Variants in RYR2 observed in about 807,000 individuals in gnomAD.
RYR2 encodes the protein ryanodine receptor 2.
RYR2 carries 227 observed loss-of-function variants against 601.1 expected under a neutral mutation model. That is an observed-to-expected ratio of 0.38 (90% confidence interval 0.34 to 0.42). RYR2 has a LOEUF of 0.42. RYR2 is among the 10% of genes least tolerant of loss of function. RYR2 has a pLI of 1.00. For synonymous variants in RYR2, 2,223 were observed against 2,175.1 expected (o/e 1.02, Z -0.61); for missense variants, 4,646 against 6,156.5 (o/e 0.75, Z 8.21).
intron 17 of RYR2, among the ~76,000 whole-genome samples, chr1:237,487,261 TCAAAG>T (rs1662780588): frequency 6.6e-6 from 1 of 152,168 alleles, no homozygotes; most frequent in African/African-American, 2.4e-5. Flanking sequence ...ATCCAAGTGT[TCAAAG>T]CATATATCAG....
At chr1:237,792,381 G>GCGCA in intron 94 of RYR2, 58 bp downstream of exon 94, 1 of 913,338 alleles carries the variant, frequency 1.1e-6, no homozygotes, top group East Asian at 2.9e-5. Flanking sequence ...GTGTGTGTGT[G>GCGCA]CGTGTGTGTG....
intron 11 of RYR2, among the ~76,000 whole-genome samples, chr1:237,421,043 A>C (rs985954761): frequency 6.6e-6 from 1 of 152,216 alleles, no homozygotes; most frequent in East Asian, 1.9e-4. Context: ...GATCGAGACC[A>C]TCCTGGCTAA....
At chr1:237,352,867 A>T (rs765206187) in intron 3 of RYR2, 6 of 515,652 alleles carry the variant, frequency 1.2e-5, no homozygotes, top group South Asian at 8.5e-5. Context: ...TAGGTATACA[A>T]GGGTGGGTGA....
intron 12 of RYR2, among the ~76,000 whole-genome samples, chr1:237,430,097 G>A (rs1043446579): frequency 1.3e-5 from 2 of 149,504 alleles, no homozygotes; most frequent in Admixed American, 6.7e-5. Context: ...AATATATATT[G>A]TTAGGTATAT....
chr1:237,136,731 G>A (rs1043574727), intron 1 of RYR2, among the ~76,000 whole-genome samples: 6 of 152,128 alleles, frequency 3.9e-5, no homozygotes, highest in South Asian at 2.1e-4. Context: ...AAGATGCTGA[G>A]CAGGCTGGGT....
chr1:237,377,753 T>C (rs994167787), intron 8 of RYR2, among the ~76,000 whole-genome samples: 1 of 152,218 alleles, frequency 6.6e-6, no homozygotes, highest in Non-Finnish European at 1.5e-5. Flanking sequence ...AAAAATTCTA[T>C]GGTCTTTATT....
chr1:237,079,668 A>G (rs1248345072), intron 1 of RYR2, among the ~76,000 whole-genome samples: 1 of 120,894 alleles, frequency 8.3e-6, no homozygotes, highest in Non-Finnish European at 1.6e-5. Flanking sequence ...GCTCATGGGT[A>G]GGAAGAATCA....
intron 71 of RYR2, among the ~76,000 whole-genome samples, chr1:237,712,247 A>G (rs935426638): frequency 6.6e-6 from 1 of 152,038 alleles, no homozygotes; most frequent in African/African-American, 2.4e-5. Flanking sequence ...GCTAATTTGA[A>G]TACTTTTCAG....
chr1:237,442,498 A>G (rs949464456), intron 13 of RYR2, among the ~76,000 whole-genome samples: 1 of 152,184 alleles, frequency 6.6e-6, no homozygotes, highest in Non-Finnish European at 1.5e-5. Context: ...GTACAGTTAC[A>G]TAGCATTAAG....
chr1:237,698,820 A>G (rs1328090554), intron 63 of RYR2, 145 bp from the exon 64 acceptor site: 3 of 513,996 alleles, frequency 5.8e-6, no homozygotes, highest in Non-Finnish European at 1.0e-5. Context: ...GAAAAACTGC[A>G]TGATTTCAAA....
intron 1 of RYR2, among the ~76,000 whole-genome samples, chr1:237,126,833 G>C (rs546338502): frequency 6.6e-6 from 1 of 151,784 alleles, no homozygotes; most frequent in South Asian, 2.1e-4. Context: ...TTCTCACAGA[G>C]GGGGATTTGG....
At chr1:237,366,356 T>C (rs529472641) in intron 5 of RYR2, among the ~76,000 whole-genome samples, 6 of 152,332 alleles carry the variant, frequency 3.9e-5, no homozygotes, top group African/African-American at 4.8e-5. Context: ...GCCAGGATTC[T>C]CATGGATTGT....
At chr1:237,416,798 G>C (rs1047171397) in intron 10 of RYR2, among the ~76,000 whole-genome samples, 1 of 151,264 alleles carries the variant, frequency 6.6e-6, no homozygotes, top group South Asian at 2.1e-4. Flanking sequence ...AATGAGATTA[G>C]AGGGAGAAAA....
intron 40 of RYR2, among the ~76,000 whole-genome samples, chr1:237,627,512 C>T (rs1005949593): frequency 3.9e-5 from 6 of 152,118 alleles, no homozygotes; most frequent in African/African-American, 1.4e-4. Flanking sequence ...CCTTCAATTA[C>T]ATATGAATTG....
At chr1:237,438,511 G>A (rs929916903) in intron 12 of RYR2, among the ~76,000 whole-genome samples, 2 of 152,144 alleles carry the variant, frequency 1.3e-5, no homozygotes, top group Admixed American at 1.3e-4. Context: ...TTTACATGAG[G>A]AGTTGCTTAT....
intron 23 of RYR2, among the ~76,000 whole-genome samples, chr1:237,510,678 G>GT (rs1665799150): frequency 6.6e-6 from 1 of 152,146 alleles, no homozygotes; most frequent in Non-Finnish European, 1.5e-5. Context: ...TTAGGATCTG[G>GT]TAATGATGCT....
intron 3 of RYR2, among the ~76,000 whole-genome samples, chr1:237,350,030 C>T (rs1318534365): frequency 6.6e-6 from 1 of 151,774 alleles, no homozygotes; most frequent in Non-Finnish European, 1.5e-5. Flanking sequence ...CAATATAATA[C>T]AAATAATATG....
At chr1:237,705,084 T>A (rs1259909306) in intron 66 of RYR2, 129 bp from the exon 67 acceptor site, 1 of 745,064 alleles carries the variant, frequency 1.3e-6, no homozygotes, top group Non-Finnish European at 2.2e-6. Context: ...ATACAGAAAT[T>A]GGATTTGGGA....
chr1:237,706,825 G>A, intron 67 of RYR2, 124 bp from the exon 68 acceptor site: 1 of 750,964 alleles, frequency 1.3e-6, no homozygotes, highest in Non-Finnish European at 2.3e-6. Context: ...GAAGGAGCCA[G>A]TTGCAGGCAT....
Sources: gnomAD v4.1 joint callset for allele counts (sites outside exome capture counted in the v4.1 genomes callset) on GRCh38, gnomAD v4.1.1 for gene constraint, MANE v1.5 for transcripts, NCBI Gene and HGNC (gene_info 2026-07-23, HGNC 2026-07-21) for gene names.